Variants in XYLT1 observed in about 807,000 individuals in gnomAD.
The protein encoded by XYLT1 is beta-D-xylosyltransferase 1.
Under a neutral mutation model 91.3 loss-of-function variants are expected in XYLT1, and 36 were observed. The ratio of observed to expected loss-of-function variants is 0.39; its 90% confidence interval spans 0.30 to 0.52. XYLT1 has a LOEUF of 0.52. XYLT1 is among the 20% of genes least tolerant of loss of function. XYLT1 has a pLI of 0.68. For synonymous variants in XYLT1, 588 were observed against 532.0 expected (o/e 1.11, Z -1.45); for missense variants, 1,242 against 1,284.5 (o/e 0.97, Z 0.51).
chr16:17,276,958 G>A (rs553720872), intron 2 of XYLT1, among the ~76,000 whole-genome samples: 2 of 152,318 alleles, frequency 1.3e-5, no homozygotes, highest in African/African-American at 4.8e-5. Context: ...ATAAAAGGTA[G>A]CGGTTACCCA....
At chr16:17,367,858 G>A (rs1438300658) in intron 1 of XYLT1, among the ~76,000 whole-genome samples, 1 of 152,150 alleles carries the variant, frequency 6.6e-6, no homozygotes, top group Non-Finnish European at 1.5e-5. Flanking sequence ...AGATCCAGGA[G>A]GAAAGGCCTA....
intron 2 of XYLT1, among the ~76,000 whole-genome samples, chr16:17,350,025 C>A (rs1055751024): frequency 6.6e-6 from 1 of 152,048 alleles, no homozygotes; most frequent in African/African-American, 2.4e-5. Context: ...AGGCGCCCAC[C>A]ACCACACCCG....
intron 1 of XYLT1, among the ~76,000 whole-genome samples, chr16:17,467,578 C>T (rs1241254819): frequency 1.3e-5 from 2 of 152,194 alleles, no homozygotes; most frequent in Non-Finnish European, 2.9e-5. Flanking sequence ...CTTTTATGGA[C>T]ATGCCCTCTG....
intron 9 of XYLT1, among the ~76,000 whole-genome samples, chr16:17,131,788 C>G (rs2030488416): frequency 6.6e-6 from 1 of 152,210 alleles, no homozygotes; most frequent in African/African-American, 2.4e-5. Context: ...TAAAATGAGA[C>G]TGTTAAAGTT....
At chr16:17,121,524 A>T (rs2030054889) in intron 10 of XYLT1, among the ~76,000 whole-genome samples, 1 of 152,216 alleles carries the variant, frequency 6.6e-6, no homozygotes, top group African/African-American at 2.4e-5. Flanking sequence ...CCTGGCTTCC[A>T]ACCAACCAAT....
At chr16:17,256,161 G>C (rs1235437880) in intron 3 of XYLT1, among the ~76,000 whole-genome samples, 1 of 152,186 alleles carries the variant, frequency 6.6e-6, no homozygotes, top group Non-Finnish European at 1.5e-5. Context: ...AAGGTTTGCT[G>C]TCTATCCATC....
chr16:17,257,971 G>C (rs533776453), intron 3 of XYLT1, among the ~76,000 whole-genome samples: 2 of 152,096 alleles, frequency 1.3e-5, no homozygotes, highest in African/African-American at 4.8e-5. Flanking sequence ...TTGCACATGC[G>C]CTAGTGAAAC....
intron 6 of XYLT1, 53 bp downstream of exon 6, chr16:17,158,776 A>G (rs1220879279): frequency 3.1e-6 from 5 of 1,590,500 alleles, no homozygotes; most frequent in African/African-American, 1.3e-5. Context: ...TCCCCAAATG[A>G]TCACTCAGAT....
At chr16:17,185,374 T>C (rs1474029726) in intron 5 of XYLT1, among the ~76,000 whole-genome samples, 2 of 152,206 alleles carry the variant, frequency 1.3e-5, no homozygotes, top group African/African-American at 4.8e-5. Flanking sequence ...AACTCACACA[T>C]TATCTGGGTG....
chr16:17,270,692 T>C (rs553572572), intron 2 of XYLT1, among the ~76,000 whole-genome samples: 7 of 152,186 alleles, frequency 4.6e-5, no homozygotes, highest in Non-Finnish European at 1.0e-4. Context: ...TCGCTATTCA[T>C]TCCTCAAAAT....
chr16:17,111,717 A>G (rs1281782489), intron 11 of XYLT1, among the ~76,000 whole-genome samples: 2 of 152,238 alleles, frequency 1.3e-5, no homozygotes, highest in African/African-American at 4.8e-5. Context: ...TCAATTCCCA[A>G]TGCCCCAGGA....
rs529650027 is a variant in XYLT1, at chr16:17,256,697, G to A, written c.913+2291C>T. 5.9e-5 allele frequency among the ~76,000 whole-genome samples: 9 copies of A among 151,860 alleles called. No homozygotes were observed. In the South Asian group the frequency reaches 1.7e-3, roughly 28 times the overall value. On this transcript the variant is annotated intron_variant, in intron 3 of 11. Coordinates refer to ENST00000261381, the MANE Select transcript of XYLT1 (RefSeq NM_022166.4). Reference sequence around the variant, plus strand: ...TAGCGAATGAAGAGTTCTCTTAAGAGGTCTTTTTAGTCTACTTTTCTGGGG... The same window carrying A: ...TAGCGAATGAAGAGTTCTCTTAAGAAGTCTTTTTAGTCTACTTTTCTGGGG...
At chr16:17,137,903 CAGAG>C (rs1270961818) in intron 8 of XYLT1, among the ~76,000 whole-genome samples, 2 of 152,186 alleles carry the variant, frequency 1.3e-5, no homozygotes, top group Non-Finnish European at 1.5e-5. Flanking sequence ...CATGTCCCAA[CAGAG>C]AATCATCCAG....
chr16:17,261,757 G>A (rs2033725825), intron 2 of XYLT1, among the ~76,000 whole-genome samples: 1 of 152,156 alleles, frequency 6.6e-6, no homozygotes, highest in African/African-American at 2.4e-5. Context: ...GGCTGCAGGA[G>A]CTGGGAGGTA....
chr16:17,296,844 C>T (rs950749907), intron 2 of XYLT1, among the ~76,000 whole-genome samples: 3 of 152,190 alleles, frequency 2.0e-5, no homozygotes, highest in African/African-American at 4.8e-5. Context: ...CACAAACCAC[C>T]GGGGTTCAAA....
At chr16:17,278,356 G>A (rs765138891) in intron 2 of XYLT1, among the ~76,000 whole-genome samples, 2 of 152,244 alleles carry the variant, frequency 1.3e-5, no homozygotes, top group East Asian at 1.9e-4. Context: ...TACTGAAGCC[G>A]GGCTGCTTCC....
At chr16:17,387,100 A>G (rs1431916558) in intron 1 of XYLT1, among the ~76,000 whole-genome samples, 2 of 152,184 alleles carry the variant, frequency 1.3e-5, no homozygotes, top group Non-Finnish European at 2.9e-5. Context: ...GTGTGCCCAA[A>G]GCCAGGAGTG....
chr16:17,200,398 T>G (rs2032516259), intron 4 of XYLT1, 84 bp downstream of exon 4: 2 of 1,523,454 alleles, frequency 1.3e-6, no homozygotes, highest in South Asian at 2.5e-5. Flanking sequence ...CAGTCTGGAC[T>G]AGCAATGCAG....
intron 1 of XYLT1, among the ~76,000 whole-genome samples, chr16:17,413,258 C>T (rs1021322078): frequency 6.6e-6 from 1 of 152,142 alleles, no homozygotes; most frequent in Non-Finnish European, 1.5e-5. Flanking sequence ...ACACACTGTG[C>T]ACTGAGGGGA....
Sources: allele counts gnomAD v4.1 joint callset (sites outside exome capture counted in the v4.1 genomes callset), GRCh38; gene constraint gnomAD v4.1.1; transcripts MANE v1.5; gene names NCBI Gene and HGNC (gene_info 2026-07-23, HGNC 2026-07-21).